PCDH9: variants seen among roughly 807,000 people sequenced by gnomAD.
The protein encoded by PCDH9 is protocadherin 9.
In PCDH9, 24 loss-of-function variants were observed where a neutral mutation model predicts 70.6. That is an observed-to-expected ratio of 0.34 (90% confidence interval 0.25 to 0.48). The LOEUF (loss-of-function observed/expected upper bound fraction) is 0.48, where lower values mean the gene tolerates loss of function less well. Among genes scored for constraint, PCDH9 ranks in the 20% least tolerant of loss-of-function variants. The pLI is 0.99. For synonymous variants in PCDH9, 562 were observed against 558.5 expected, an observed-to-expected ratio of 1.01 and a Z score of -0.09; for missense variants, 1,281 against 1,503.6, an observed-to-expected ratio of 0.85 and a Z score of 2.45.
chr13:66,505,835 C>T (rs1959206672), intron 4 of PCDH9, among the ~76,000 whole-genome samples: 2 of 152,064 alleles, frequency 1.3e-5, no homozygotes, highest in African/African-American at 2.4e-5. Flanking sequence ...AGCCATATCA[C>T]AAGGTATTGC....
chr13:67,055,640 C>A (rs1266962335), intron 2 of PCDH9, among the ~76,000 whole-genome samples: 3 of 149,090 alleles, frequency 2.0e-5, no homozygotes, highest in Non-Finnish European at 3.0e-5. Flanking sequence ...GACTGCATCT[C>A]AAAAAAAAAA....
chr13:66,682,356 CTATCTATCTATCTATCTAT>C, intron 3 of PCDH9, among the ~76,000 whole-genome samples: 1 of 652 alleles, frequency 1.5e-3, no homozygotes, highest in Non-Finnish European at 2.2e-3. Context: ...TATTTATTAT[CTATCTATCTATCTATCTAT>C]CTATCTATCT....
At chr13:67,148,733 C>T (rs1238516514) in intron 2 of PCDH9, among the ~76,000 whole-genome samples, 2 of 152,006 alleles carry the variant, frequency 1.3e-5, no homozygotes, top group African/African-American at 4.8e-5. Context: ...CCATTAAAAG[C>T]CTGAGAAAAA....
At chr13:67,011,989 A>G (rs1332710808) in intron 2 of PCDH9, among the ~76,000 whole-genome samples, 4 of 151,924 alleles carry the variant, frequency 2.6e-5, no homozygotes, top group East Asian at 3.9e-4. Flanking sequence ...CAGTTAAATC[A>G]TGAAACTAAA....
At chr13:67,112,379 G>A (rs2086674423) in intron 2 of PCDH9, among the ~76,000 whole-genome samples, 1 of 152,108 alleles carries the variant, frequency 6.6e-6, no homozygotes, top group Non-Finnish European at 1.5e-5. Flanking sequence ...GTACTGTGTG[G>A]TGCCTATGAT....
At chr13:67,103,840 T>G (rs920184825) in intron 2 of PCDH9, among the ~76,000 whole-genome samples, 6 of 152,116 alleles carry the variant, frequency 3.9e-5, no homozygotes, top group African/African-American at 7.2e-5. Flanking sequence ...TCTTTGAGCA[T>G]GGAATTCACA....
intron 3 of PCDH9, chr13:66,879,963 T>C (rs1457041193): frequency 6.6e-6 from 1 of 151,922 alleles, no homozygotes. Flanking sequence ...TTATTACAAA[T>C]GAATGCAAAC....
At chr13:67,057,689 G>A (rs1315627700) in intron 2 of PCDH9, among the ~76,000 whole-genome samples, 1 of 151,902 alleles carries the variant, frequency 6.6e-6, no homozygotes, top group Non-Finnish European at 1.5e-5. Context: ...CAATTAATTG[G>A]CTGTGACCCA....
intron 4 of PCDH9, among the ~76,000 whole-genome samples, chr13:66,473,737 A>C (rs544840959): frequency 3.3e-5 from 5 of 152,306 alleles, no homozygotes; most frequent in Admixed American, 2.6e-4. Flanking sequence ...CAAGTTATTA[A>C]TATCTTTATT....
intron 4 of PCDH9, among the ~76,000 whole-genome samples, chr13:66,459,394 T>G (rs773995142): frequency 6.6e-6 from 1 of 152,016 alleles, no homozygotes; most frequent in Non-Finnish European, 1.5e-5. Flanking sequence ...AAACAGGTAT[T>G]CTTTTCTTTC....
At chr13:67,060,199 C>T (rs1236165474) in intron 2 of PCDH9, among the ~76,000 whole-genome samples, 1 of 152,028 alleles carries the variant, frequency 6.6e-6, no homozygotes, top group African/African-American at 2.4e-5. Context: ...CGGCTTGGCA[C>T]TCAATAGGAG....
At chr13:66,707,149 T>TGAACCTA (rs2078722372) in intron 3 of PCDH9, among the ~76,000 whole-genome samples, 1 of 152,062 alleles carries the variant, frequency 6.6e-6, no homozygotes, top group African/African-American at 2.4e-5. Flanking sequence ...GTGAAAGAGG[T>TGAACCTA]GAACCTAGCA....
At chr13:66,970,785 T>C (rs2083508068) in intron 2 of PCDH9, among the ~76,000 whole-genome samples, 1 of 151,942 alleles carries the variant, frequency 6.6e-6, no homozygotes, top group Admixed American at 6.6e-5. Flanking sequence ...GGCAGTGAAA[T>C]TTGTTATTCC....
chr13:67,138,691 G>A (rs2087297465), intron 2 of PCDH9, among the ~76,000 whole-genome samples: 1 of 152,020 alleles, frequency 6.6e-6, no homozygotes, highest in African/African-American at 2.4e-5. Flanking sequence ...CATTGTGGAG[G>A]GTATTTTCAT....
chr13:66,774,594 C>T (rs1594042105), intron 3 of PCDH9, among the ~76,000 whole-genome samples: 1 of 152,016 alleles, frequency 6.6e-6, no homozygotes, highest in Non-Finnish European at 1.5e-5. Flanking sequence ...TAAAAGAAAC[C>T]CATGTATTTA....
chr13:66,408,629 T>G (rs2138316410), intron 4 of PCDH9, among the ~76,000 whole-genome samples: 1 of 152,324 alleles, frequency 6.6e-6, no homozygotes, highest in African/African-American at 2.4e-5. Flanking sequence ...CTAGTTGCTT[T>G]GAGTCTTGAA....
At chr13:66,825,020 C>T (rs1245566225) in intron 3 of PCDH9, 1 of 151,428 alleles carries the variant, frequency 6.6e-6, no homozygotes, top group Non-Finnish European at 1.5e-5. Context: ...TAAAATATTT[C>T]GAAAGGTTTA....
At chr13:66,787,649 A>C (rs372479963) in intron 3 of PCDH9, among the ~76,000 whole-genome samples, 39 of 152,036 alleles carry the variant, frequency 2.6e-4, no homozygotes, top group African/African-American at 8.9e-4. Flanking sequence ...GATAACACTG[A>C]ATCTGCATTT....
At chr13:66,568,512 C>CAAAAA (rs34215376) in intron 4 of PCDH9, among the ~76,000 whole-genome samples, 3 of 108,042 alleles carry the variant, frequency 2.8e-5, no homozygotes, top group Admixed American at 1.0e-4. Flanking sequence ...TGAGACTTTA[C>CAAAAA]AAAAAAAAAA....
Sources: gnomAD v4.1 joint callset for allele counts (sites outside exome capture counted in the v4.1 genomes callset) on GRCh38, gnomAD v4.1.1 for gene constraint, MANE v1.5 for transcripts, NCBI Gene and HGNC (gene_info 2026-07-23, HGNC 2026-07-21) for gene names.